HECW1: variants seen among roughly 807,000 people sequenced by gnomAD.
HECW1 encodes the protein HECT, C2 and WW domain containing E3 ubiquitin protein ligase 1, also known as E3 ubiquitin-protein ligase HECW1.
A neutral mutation model predicts 182.3 loss-of-function variants in HECW1; 61 were observed. The observed-to-expected ratio is 0.33, with a 90% CI of 0.27 to 0.41. The LOEUF (loss-of-function observed/expected upper bound fraction) is 0.41. HECW1 is among the 10% of genes least tolerant of loss of function. The probability of loss-of-function intolerance (pLI) is 1.00; values close to 1 mark genes in which losing one functional copy is unlikely to be tolerated. For missense variants in HECW1, 1,739 were observed against 2,108.9 expected (o/e 0.82, Z 3.44); for synonymous variants, 859 against 832.6 (o/e 1.03, Z -0.55).
At chr7:43,139,125 TA>T (rs1373632531) in intron 2 of HECW1, among the ~76,000 whole-genome samples, 1 of 152,192 alleles carries the variant, frequency 6.6e-6, no homozygotes, top group Admixed American at 6.5e-5. Flanking sequence ...TCTTTATTCT[TA>T]ATGAGCAGCT....
rs746740077 is a variant in HECW1, at chr7:43,311,910, G to A, written c.175G>A (p.Asp59Asn). The A allele has an allele frequency of 1.2e-5, 20 of 1,614,190 alleles. No homozygotes were observed. The highest frequency in any genetic ancestry group is 1.7e-5 in the Non-Finnish European group (20 of 1,180,032). Residue 59 changes from aspartate to asparagine, a missense_variant, in exon 4 of 30, where the codon GAT becomes AAT. Around this residue, in one of 5 missense-constraint regions of HECW1, gnomAD observed 279 missense variants for 353.1 expected, o/e 0.79. Coordinates refer to ENST00000395891, the MANE Select transcript of HECW1 (RefSeq NM_015052.5). ...CATGGACCTCAGGGGCGGCCCCCAC[G>A]ATGGCGTCACCATTCCCCGCTCCAC... Reference protein sequence around the residue: ...HNMDLRGGPHDGVTIPRSTSD... With the variant: ...HNMDLRGGPHNGVTIPRSTSD...
chr7:43,234,510 C>CT (rs34417565), intron 2 of HECW1, among the ~76,000 whole-genome samples: 27,781 of 151,140 alleles, frequency 0.18, 2,974 homozygotes, highest in Middle Eastern at 0.3. Flanking sequence ...CACCTCAGGC[C>CT]TTTTTTTTTG....
At chr7:43,127,142 CCAAA>C (rs1348608100) in intron 2 of HECW1, among the ~76,000 whole-genome samples, 1 of 152,096 alleles carries the variant, frequency 6.6e-6, no homozygotes, top group East Asian at 1.9e-4. Flanking sequence ...GCCTCTTGCA[CCAAA>C]CAGTTAGCCA....
At chr7:43,274,340 T>C in intron 3 of HECW1, 1 of 757,626 alleles carries the variant, frequency 1.3e-6, no homozygotes. Context: ...TCAGGCTGGA[T>C]TGTCTACTGT....
chr7:43,542,034 T>C (rs2081378778), intron 26 of HECW1, 36 bp downstream of exon 26: 1 of 1,453,986 alleles, frequency 6.9e-7, no homozygotes, highest in Non-Finnish European at 9.1e-7. Flanking sequence ...AGGGATTTTG[T>C]TTTTTACTAT....
chr7:43,274,311 AAAG>A (rs1172887137), intron 3 of HECW1: 2 of 1,026,406 alleles, frequency 1.9e-6, no homozygotes, highest in Non-Finnish European at 2.8e-6. Context: ...TATCTCAGTT[AAAG>A]AAGATGAAGA....
chr7:43,432,267 G>C lies in HECW1; in HGVS notation c.802-5736G>C, dbSNP rs979872546. ...CCATTCTCCTGCCTCAGCCTCCCAA[G>C]TAGCTGGGACTACAGGCGCCCGCCA... On this transcript the variant is annotated intron_variant, in intron 8 of 29. Transcript: ENST00000395891. The surrounding 1 kb of genome is among the most constrained non-coding windows in gnomAD (Gnocchi z 4.1). Among the ~76,000 whole-genome samples the C allele has an allele frequency of 8.6e-5, 13 of 150,556 alleles. No homozygotes were observed. The highest frequency in any genetic ancestry group is 1.5e-4 in the Non-Finnish European group (10 of 67,262).
intron 4 of HECW1, among the ~76,000 whole-genome samples, chr7:43,319,416 A>G (rs750243585): frequency 2.1e-4 from 30 of 145,512 alleles, no homozygotes; most frequent in Non-Finnish European, 3.6e-4. Flanking sequence ...AAAAGAGAGA[A>G]CATCGATAGG....
At chr7:43,171,449 C>T (rs752753609) in intron 2 of HECW1, among the ~76,000 whole-genome samples, 1 of 152,152 alleles carries the variant, frequency 6.6e-6, no homozygotes, top group Non-Finnish European at 1.5e-5. Flanking sequence ...TTGGGCATCA[C>T]ACTTTTGGTC....
At chr7:43,187,133 GTTGTTTTCC>G (rs1427296125) in intron 2 of HECW1, among the ~76,000 whole-genome samples, 1 of 152,242 alleles carries the variant, frequency 6.6e-6, no homozygotes, top group Non-Finnish European at 1.5e-5. Context: ...TCACCACATG[GTTGTTTTCC>G]TTGCTACCTG....
chr7:43,540,061 T>C (rs1458530551), intron 24 of HECW1, among the ~76,000 whole-genome samples: 3 of 152,222 alleles, frequency 2.0e-5, no homozygotes, highest in African/African-American at 7.2e-5. Flanking sequence ...TGTTATTTCA[T>C]GGAAAAAGAA....
At chr7:43,209,476 C>T (rs1312768021) in intron 2 of HECW1, among the ~76,000 whole-genome samples, 2 of 152,132 alleles carry the variant, frequency 1.3e-5, no homozygotes, top group African/African-American at 4.8e-5. Flanking sequence ...AGGGGTATCT[C>T]GCGGCTCCTG....
intron 6 of HECW1, among the ~76,000 whole-genome samples, chr7:43,386,309 G>A (rs2074794752): frequency 6.6e-6 from 1 of 152,234 alleles, no homozygotes; most frequent in Non-Finnish European, 1.5e-5. Flanking sequence ...CACAGAGGCA[G>A]GAAATCTTGG....
intron 3 of HECW1, among the ~76,000 whole-genome samples, chr7:43,251,257 G>A (rs1799996811): frequency 6.6e-6 from 1 of 152,190 alleles, no homozygotes; most frequent in Non-Finnish European, 1.5e-5. Context: ...CTTTTGCCTA[G>A]CCTAGTGGGA....
chr7:43,196,661 G>A (rs188605742), intron 2 of HECW1, among the ~76,000 whole-genome samples: 184 of 152,268 alleles, frequency 1.2e-3, no homozygotes, highest in African/African-American at 4.1e-3. Context: ...GAGATGGGCC[G>A]GGCTCCAGAG....
At chr7:43,134,393 C>CAAAAA (rs35414360) in intron 2 of HECW1, among the ~76,000 whole-genome samples, 16 of 87,750 alleles carry the variant, frequency 1.8e-4, no homozygotes, top group Middle Eastern at 7.7e-3. Flanking sequence ...GACTCTGTCT[C>CAAAAA]AAAAAAAAAA....
chr7:43,422,904 T>C lies in HECW1; in HGVS notation c.802-15099T>C, dbSNP rs145366264. Reference sequence around the variant, plus strand: ...CAGTGCCTGGCCGAGAGTCGTCACCTGGAGATAAATCGCAGTGCCTGGCCG... The same window carrying C: ...CAGTGCCTGGCCGAGAGTCGTCACCCGGAGATAAATCGCAGTGCCTGGCCG... On this transcript the variant is annotated intron_variant, in intron 8 of 29. Transcript: ENST00000395891. Among the ~76,000 whole-genome samples, 293 of 150,640 alleles carry C rather than the reference T, an allele frequency of 1.9e-3. 3 individuals carry two copies. The highest frequency in any genetic ancestry group is 7.0e-3 in the African/African-American group (286 of 40,858).
intron 16 of HECW1, among the ~76,000 whole-genome samples, chr7:43,478,489 G>A (rs1379695815): frequency 6.6e-6 from 1 of 152,026 alleles, no homozygotes; most frequent in African/African-American, 2.4e-5. Context: ...TAACAATTAA[G>A]GGTACTAAAA....
At chr7:43,256,053 A>G (rs993976622) in intron 3 of HECW1, among the ~76,000 whole-genome samples, 1 of 152,230 alleles carries the variant, frequency 6.6e-6, no homozygotes, top group African/African-American at 2.4e-5. Context: ...TTTAATCTTT[A>G]AAGTGTGCTG....
Sources: allele counts gnomAD v4.1 joint callset (sites outside exome capture counted in the v4.1 genomes callset), GRCh38; gene constraint gnomAD v4.1.1; regional missense constraint gnomAD v4.1.1; non-coding constraint Gnocchi (gnomAD v3.1); transcripts MANE v1.5; gene names NCBI Gene and HGNC (gene_info 2026-07-23, HGNC 2026-07-21).